The following HNF4A variants were observed in gnomAD, a reference collection of about 807,000 sequenced individuals.
HNF4A encodes hepatocyte nuclear factor 4-alpha.
HNF4A carries 15 observed loss-of-function variants against 52.4 expected under a neutral mutation model. That is an observed-to-expected ratio of 0.29 (90% CI 0.19 to 0.44). HNF4A has a LOEUF of 0.44. Among genes scored for constraint, HNF4A ranks in the 20% least tolerant of loss-of-function variants. The pLI is 1.00. For synonymous variants in HNF4A, 280 were observed against 264.4 expected (o/e 1.06, Z -0.57); for missense variants, 479 against 647.2 (o/e 0.74, Z 2.82).
chr20:44,383,451 T>C lies in HNF4A; in HGVS notation c.50-22607T>C, dbSNP rs114544474. On this transcript the variant is annotated intron_variant, in intron 1 of 9. Transcript: ENST00000316673. ...AGCCCAGGATGTCAAGTTCCAGAAT[T>C]GGTACACTCAGCCTCAATACTGTGC... is the stretch of plus-strand genomic sequence containing the variant. 1.8e-3 allele frequency among the ~76,000 whole-genome samples: 269 copies of C among 152,256 alleles called. 1 individual carries two copies. The highest frequency in any genetic ancestry group is 5.7e-3 in the African/African-American group (238 of 41,550).
chr20:44,377,232 C>T (rs145082570), intron 1 of HNF4A, among the ~76,000 whole-genome samples: 1 of 151,902 alleles, frequency 6.6e-6, no homozygotes, highest in East Asian at 1.9e-4. Flanking sequence ...GGGGGCTAAA[C>T]CTTGGGTACA....
chr20:44,390,814 C>T (rs2063293918), intron 1 of HNF4A: 2 of 618,206 alleles, frequency 3.2e-6, no homozygotes, highest in East Asian at 5.5e-5. Context: ...CAGGAACGTC[C>T]ATGGCCCTGA....
chr20:44,409,424 C>A (rs931037706), intron 3 of HNF4A, among the ~76,000 whole-genome samples: 1 of 152,184 alleles, frequency 6.6e-6, no homozygotes, highest in Non-Finnish European at 1.5e-5. Flanking sequence ...GTCAGTGATT[C>A]CATTATCCCA....
upstream of HNF4A, among the ~76,000 whole-genome samples, chr20:44,397,357 T>G (rs1267295734): frequency 1.3e-5 from 2 of 152,208 alleles, no homozygotes; most frequent in Non-Finnish European, 2.9e-5. Context: ...TTTTTATAAT[T>G]GATACATAAT....
In HNF4A at chr20:44,431,661, A is replaced by G. The variant is rs192144605; in HGVS notation, c.*1996A>G. On this transcript the variant is annotated 3_prime_UTR_variant, in exon 10 of 10. Transcript: ENST00000316099. ...CTTGGTGGCTTTGAGGACATTCTGG[A>G]AAATGCCACTGACCAGTGTGAACAA... 2.0e-5 allele frequency: 3 copies of G among 152,240 alleles called. No homozygotes were observed. Among genetic ancestry groups the G allele is most frequent in the Non-Finnish European group, 4.4e-5 (3 of 68,052 alleles). The allele number at this position is 152,240 out of a possible 1,614,324, so 9.4% of individuals were successfully genotyped here. A position where few individuals can be genotyped will look rare whatever the true frequency, so the allele number is the denominator to read the frequency against.
chr20:44,371,481 G>A (rs1358395526), intron 1 of HNF4A, among the ~76,000 whole-genome samples: 2 of 152,124 alleles, frequency 1.3e-5, no homozygotes, highest in Non-Finnish European at 1.5e-5. Context: ...GTTTCGCCAT[G>A]TTGGCCAGGC....
At position 44,413,726 on chromosome 20, in the gene HNF4A, C is replaced by A; in HGVS notation, c.418C>A (p.Arg140=). ...GAATGAGCGGGACCGGATCAGCACT[C>A]GAAGGTCAAGCTATGAGGACAGCAG... Residue 140 remains arginine, a synonymous_variant, in exon 4 of 10, where the codon CGA becomes AGA. Coordinates refer to ENST00000316099, the MANE Select transcript of HNF4A (RefSeq NM_000457.6). The A allele has an allele frequency of 1.2e-6, 2 of 1,613,934 alleles. No homozygotes were observed. The highest frequency in any genetic ancestry group is 1.7e-6 in the Non-Finnish European group (2 of 1,179,948).
chr20:44,385,059 CTTTT>C lies in HNF4A; in HGVS notation c.50-20974_50-20971del, dbSNP rs775721024. Among the ~76,000 whole-genome samples, 21 of 34,984 alleles carry C rather than the reference CTTTT, an allele frequency of 6.0e-4. No individual in the cohort carries two copies. The East Asian group carries it at 0.011, about 19-fold the overall frequency. 23.0% of individuals were successfully genotyped at this position (34,984 alleles called of 152,430 possible). ...AGTGGTTTCAGCTGAACTCTGTGAT[CTTTT>C]TTTTTTTTTTTTTTTTTTTTTTTTG... On this transcript the variant is annotated intron_variant, in intron 1 of 9. Coordinates refer to the HNF4A transcript ENST00000316673.
At chr20:44,412,692 G>A (rs1273415721) in intron 3 of HNF4A, among the ~76,000 whole-genome samples, 1 of 152,154 alleles carries the variant, frequency 6.6e-6, no homozygotes, top group Non-Finnish European at 1.5e-5. Context: ...TAATCCAGGA[G>A]AGACAGCGGG....
At chr20:44,402,655 A>G (rs1327494452) in intron 1 of HNF4A, 1 of 1,347,408 alleles carries the variant, frequency 7.4e-7, no homozygotes. Context: ...GTAGGGGAAA[A>G]GAGGAGGCCC....
At chr20:44,359,242 C>G (rs565067678) in intron 1 of HNF4A, among the ~76,000 whole-genome samples, 15 of 152,194 alleles carry the variant, frequency 9.9e-5, no homozygotes, top group Non-Finnish European at 2.1e-4. Flanking sequence ...CTCTTGCCTT[C>G]CTTCCTCTCT....
chr20:44,405,721 C>G (rs1007419362), intron 1 of HNF4A, among the ~76,000 whole-genome samples: 1 of 152,216 alleles, frequency 6.6e-6, no homozygotes, highest in Admixed American at 6.5e-5. Context: ...AATGTTTCTC[C>G]CTTCCACAGC....
In HNF4A at chr20:44,402,114, C is replaced by G. The variant is rs115720358; in HGVS notation, c.115+627C>G. 4.0e-3 allele frequency among the ~76,000 whole-genome samples: 601 copies of G among 151,990 alleles called. 6 individuals carry two copies. The highest frequency in any genetic ancestry group is 0.035 in the East Asian group (178 of 5,156). Reference sequence around the variant, plus strand: ...ATGGGTGGGGTGATGCCTTCAGGAACCCATTTGCATATGTGTGTTCATTTG... The same window carrying G: ...ATGGGTGGGGTGATGCCTTCAGGAAGCCATTTGCATATGTGTGTTCATTTG... On this transcript the variant is annotated intron_variant, in intron 1 of 9. Transcript: ENST00000316099.
chr20:44,400,703 C>G (rs928849933), upstream of HNF4A, among the ~76,000 whole-genome samples: 2 of 152,152 alleles, frequency 1.3e-5, no homozygotes, highest in African/African-American at 4.8e-5. Flanking sequence ...GAATCTGGCC[C>G]TCCCAAACTT....
rs112600410 is a variant in HNF4A, at chr20:44,429,191, A to G, written c.1283-332A>G. On this transcript the variant is annotated intron_variant, in intron 9 of 9. Transcript: ENST00000316099. ...TCTCCCAGGAAAGACTATCCCTGTC[A>G]CCCATCCCATTGCCGCTGGGGACAG... Among the ~76,000 whole-genome samples, 1,153 of 152,166 alleles carry G rather than the reference A, an allele frequency of 7.6e-3. 24 individuals are homozygous for G. The highest frequency in any genetic ancestry group is 0.027 in the African/African-American group (1,101 of 41,500).
intron 8 of HNF4A, among the ~76,000 whole-genome samples, chr20:44,426,881 GA>G (rs1451382356): frequency 6.6e-6 from 1 of 152,176 alleles, no homozygotes; most frequent in African/African-American, 2.4e-5. Context: ...TAGGGCTGAA[GA>G]ATTTTTGCAG....
intron 1 of HNF4A, among the ~76,000 whole-genome samples, chr20:44,356,615 A>C (rs138442211): frequency 0.017 from 2,594 of 152,290 alleles, 35 homozygotes; most frequent in Non-Finnish European, 0.026. Context: ...TGAAAACGGT[A>C]CACTGAAGAA....
intron 8 of HNF4A, among the ~76,000 whole-genome samples, chr20:44,426,228 G>A (rs2063813169): frequency 6.6e-6 from 1 of 152,084 alleles, no homozygotes; most frequent in Admixed American, 6.6e-5. Context: ...AAAGAAGCGG[G>A]GAAGAAAGGA....
At chr20:44,408,757 G>GA (rs1356997358) in intron 3 of HNF4A, among the ~76,000 whole-genome samples, 1 of 151,888 alleles carries the variant, frequency 6.6e-6, no homozygotes, top group Non-Finnish European at 1.5e-5. Context: ...GTTCATTTTC[G>GA]AATCTCTTCA....
Sources: gnomAD v4.1 joint callset for allele counts (sites outside exome capture counted in the v4.1 genomes callset) on GRCh38, gnomAD v4.1.1 for gene constraint, MANE v1.5 for transcripts, NCBI Gene and HGNC (gene_info 2026-07-23, HGNC 2026-07-21) for gene names.